PTPN13: variants seen among roughly 807,000 people sequenced by gnomAD.
The protein encoded by PTPN13 is tyrosine-protein phosphatase non-receptor type 13.
A neutral mutation model predicts 284.0 loss-of-function variants in PTPN13; 191 were observed. That is an observed-to-expected ratio of 0.67 (90% CI 0.60 to 0.76). The LOEUF is 0.76. Ranked by LOEUF, PTPN13 falls within the 30% of genes least tolerant of loss-of-function variation. The pLI, the probability that PTPN13 is intolerant of heterozygous loss-of-function variation, is 0.00. For missense variants in PTPN13, 2,797 were observed against 2,939.9 expected, an observed-to-expected ratio of 0.95 and a Z score of 1.12; for synonymous variants, 986 against 1,022.3, an observed-to-expected ratio of 0.96 and a Z score of 0.68.
chr4:86,715,317 TTA>T (rs779085799), intron 7 of PTPN13, among the ~76,000 whole-genome samples: 1 of 152,158 alleles, frequency 6.6e-6, no homozygotes, highest in Non-Finnish European at 1.5e-5. Flanking sequence ...AAAACTTTGA[TTA>T]TATATATGTA....
chr4:86,807,629 T>C lies in PTPN13; in HGVS notation c.6815T>C (p.Val2272Ala). 2 of 1,613,980 alleles carry C rather than the reference T, an allele frequency of 1.2e-6. No homozygotes were observed. Among genetic ancestry groups the C allele is most frequent in the South Asian group, 1.1e-5 (1 of 91,080 alleles). ...YINASFIKIPVGKEEFVYIAC... is the reference protein window; with the variant it reads ...YINASFIKIPAGKEEFVYIAC... The stretch of plus-strand genomic sequence containing the variant: ...AATGCCAGCTTCATTAAGATACCAG[T>C]TGGGAAAGAAGAGTTCGTTTACATT... Residue 2272 changes from valine to alanine, a missense_variant, in exon 45 of 48, where the codon GTT (valine) becomes GCT (alanine). Physicochemically the swap from Val to Ala is moderately conservative, Grantham distance 64 (BLOSUM62 0). Transcript: ENST00000411767.
Position 86,758,741 on chromosome 4 carries a change from T to C in PTPN13, c.3377T>C (p.Val1126Ala). 5 of 1,613,854 alleles carry C rather than the reference T, an allele frequency of 3.1e-6. No homozygotes were observed. The highest frequency in any genetic ancestry group is 4.2e-6 in the Non-Finnish European group (5 of 1,179,774). ...RLDLGIFISS[V>A]APGGPADLDG... ...GACCTAGGCATATTTATCAGTTCAG[T>C]TGCCCCTGGAGGACCAGCTGACTTG... is the stretch of plus-strand genomic sequence containing the variant. The change falls in exon 22 of 48, where the codon GTT (valine) becomes GCT (alanine). Residue 1126 changes from valine to alanine, a missense_variant. Transcript: ENST00000411767.
chr4:86,595,240 A>G (rs975106599), intron 1 of PTPN13, among the ~76,000 whole-genome samples: 4 of 151,284 alleles, frequency 2.6e-5, no homozygotes, highest in Non-Finnish European at 4.4e-5. Context: ...GCCCAGAAGA[A>G]TGTGTGTGTA....
At chr4:86,647,365 A>C (rs992566293) in intron 2 of PTPN13, among the ~76,000 whole-genome samples, 1 of 152,042 alleles carries the variant, frequency 6.6e-6, no homozygotes, top group Admixed American at 6.6e-5. Context: ...TTTTCAGTCA[A>C]ATGCTGTACC....
At chr4:86,654,826 A>G (rs1464931167) in intron 2 of PTPN13, among the ~76,000 whole-genome samples, 2 of 152,078 alleles carry the variant, frequency 1.3e-5, no homozygotes, top group African/African-American at 4.8e-5. Flanking sequence ...GATATGTCTA[A>G]TGTTGACAGT....
intron 2 of PTPN13, among the ~76,000 whole-genome samples, chr4:86,670,626 C>A (rs183991453): frequency 6.6e-6 from 1 of 152,104 alleles, no homozygotes; most frequent in Non-Finnish European, 1.5e-5. Context: ...ATTATTAGTG[C>A]GTTGTCTTCC....
intron 6 of PTPN13, among the ~76,000 whole-genome samples, chr4:86,694,368 G>A (rs1379134273): frequency 6.6e-6 from 1 of 151,556 alleles, no homozygotes; most frequent in African/African-American, 2.4e-5. Context: ...ATCACCTGAG[G>A]TCAGGAGTTC....
chr4:86,709,439 A>C (rs1168311471), intron 7 of PTPN13, among the ~76,000 whole-genome samples: 1 of 152,162 alleles, frequency 6.6e-6, no homozygotes, highest in African/African-American at 2.4e-5. Context: ...AGTGTTTGTT[A>C]ATATAAATGG....
intron 31 of PTPN13, among the ~76,000 whole-genome samples, chr4:86,772,064 GT>G (rs1044058476): frequency 3.9e-5 from 6 of 152,176 alleles, no homozygotes; most frequent in African/African-American, 1.2e-4. Flanking sequence ...ATTTATTCAA[GT>G]TTTTTTCCTT....
At chr4:86,805,665 C>A (rs576346330) in intron 44 of PTPN13, among the ~76,000 whole-genome samples, 1 of 152,032 alleles carries the variant, frequency 6.6e-6, no homozygotes, top group Non-Finnish European at 1.5e-5. Flanking sequence ...ATTTTAAAAT[C>A]TTTTTAAAAA....
intron 2 of PTPN13, among the ~76,000 whole-genome samples, chr4:86,637,484 A>G (rs1337600349): frequency 6.6e-6 from 1 of 151,700 alleles, no homozygotes; most frequent in Non-Finnish European, 1.5e-5. Context: ...ATCCACCATG[A>G]TCAAGTGGGC....
intron 2 of PTPN13, chr4:86,661,025 C>A (rs1264252398): frequency 7.3e-6 from 3 of 413,412 alleles, no homozygotes; most frequent in Non-Finnish European, 1.4e-5. Context: ...ACATATATTG[C>A]AAACAGCATT....
At chr4:86,731,626 T>A (rs1392877941) in intron 10 of PTPN13, among the ~76,000 whole-genome samples, 3 of 152,160 alleles carry the variant, frequency 2.0e-5, no homozygotes, top group Non-Finnish European at 1.5e-5. Flanking sequence ...ATGACCAATT[T>A]TTTTGTTTTT....
chr4:86,757,234 A>G (rs2149228393), intron 20 of PTPN13, among the ~76,000 whole-genome samples: 1 of 152,350 alleles, frequency 6.6e-6, no homozygotes, highest in South Asian at 2.1e-4. Context: ...AGTTCTGATT[A>G]TGACATTTAT....
chr4:86,755,386 T>C (rs1214059256), intron 20 of PTPN13, among the ~76,000 whole-genome samples: 2 of 150,426 alleles, frequency 1.3e-5, no homozygotes, highest in Admixed American at 1.3e-4. Flanking sequence ...GTTATTTTCC[T>C]TTGTAAGAGT....
intron 7 of PTPN13, among the ~76,000 whole-genome samples, chr4:86,706,986 T>C (rs774311949): frequency 1.3e-5 from 2 of 152,322 alleles, no homozygotes; most frequent in African/African-American, 4.8e-5. Flanking sequence ...ATCTGAGTAG[T>C]TGTCTGTTTT....
At position 86,649,982 on chromosome 4, in the gene PTPN13, C is replaced by CTGTTT. The variant is rs569836224; in HGVS notation, c.115+14630_115+14634dup. ...TGTCCTCTTCAACTTATTTTCATCA[C>CTGTTT]TGTTTTGTTTTGTTTTGTTTTGTGG... is the stretch of plus-strand genomic sequence containing the variant. On this transcript the variant is annotated intron_variant, in intron 2 of 47. Coordinates refer to ENST00000411767, the MANE Select transcript of PTPN13 (RefSeq NM_080683.3). Among the ~76,000 whole-genome samples, 275 of 152,144 alleles carry CTGTTT rather than the reference C, an allele frequency of 1.8e-3. 1 individual carries two copies. The highest frequency in any genetic ancestry group is 5.3e-3 in the African/African-American group (222 of 41,516).
intron 15 of PTPN13, among the ~76,000 whole-genome samples, chr4:86,739,428 A>G (rs992741783): frequency 2.0e-5 from 3 of 152,152 alleles, no homozygotes; most frequent in African/African-American, 7.2e-5. Context: ...AGCAGACAAG[A>G]GAAGAGAGCT....
At chr4:86,671,188 A>T (rs1486112556) in intron 2 of PTPN13, among the ~76,000 whole-genome samples, 13 of 152,212 alleles carry the variant, frequency 8.5e-5, no homozygotes, top group African/African-American at 3.1e-4. Flanking sequence ...TCATATTCTG[A>T]TCATGTAGAT....
Sources: allele counts gnomAD v4.1 joint callset (sites outside exome capture counted in the v4.1 genomes callset), GRCh38; gene constraint gnomAD v4.1.1; transcripts MANE v1.5; gene names NCBI Gene and HGNC (gene_info 2026-07-23, HGNC 2026-07-21).